The following KCNK2 variants were observed in gnomAD, a reference collection of about 807,000 sequenced individuals.
KCNK2 encodes the protein potassium two pore domain channel subfamily K member 2.
KCNK2 carries 21 observed loss-of-function variants against 40.5 expected under a neutral mutation model. The observed-to-expected ratio is 0.52, with a 90% CI of 0.37 to 0.75. The LOEUF is 0.75. Among genes scored for constraint, KCNK2 ranks in the 30% least tolerant of loss-of-function variants. The pLI is 0.00. For missense variants in KCNK2, 399 were observed against 531.6 expected (o/e 0.75, Z 2.45); for synonymous variants, 191 against 202.2 (o/e 0.94, Z 0.47).
At chr1:215,055,626 A>C (rs76696878) in intron 1 of KCNK2, among the ~76,000 whole-genome samples, 3 of 152,216 alleles carry the variant, frequency 2.0e-5, no homozygotes. Flanking sequence ...CTCCACTTGA[A>C]TAAAGAGAAA....
chr1:215,065,885 A>G (rs561722467), intron 1 of KCNK2, among the ~76,000 whole-genome samples: 3 of 152,160 alleles, frequency 2.0e-5, no homozygotes, highest in Non-Finnish European at 4.4e-5. Context: ...AGTCCCACCT[A>G]CTCAGGAAGC....
intron 5 of KCNK2, among the ~76,000 whole-genome samples, chr1:215,181,715 G>A (rs1003490177): frequency 6.6e-6 from 1 of 152,106 alleles, no homozygotes; most frequent in Non-Finnish European, 1.5e-5. Flanking sequence ...GCCAGTAGAT[G>A]GCACTTATGG....
chr1:215,233,349 ATG>A (rs1666750459), intron 6 of KCNK2, among the ~76,000 whole-genome samples: 1 of 152,058 alleles, frequency 6.6e-6, no homozygotes, highest in Non-Finnish European at 1.5e-5. Context: ...CCCCAAATGT[ATG>A]TGTCTGTATG....
chr1:215,122,248 A>G (rs1168470325), intron 2 of KCNK2, among the ~76,000 whole-genome samples: 1 of 152,140 alleles, frequency 6.6e-6, no homozygotes, highest in Non-Finnish European at 1.5e-5. Flanking sequence ...GATTTCATCT[A>G]TTTCCAAACA....
chr1:215,132,762 T>C (rs1363430292), intron 3 of KCNK2, among the ~76,000 whole-genome samples: 1 of 152,220 alleles, frequency 6.6e-6, no homozygotes, highest in Non-Finnish European at 1.5e-5. Context: ...TAAGTTAAAA[T>C]GTGTTTCTCA....
intron 6 of KCNK2, among the ~76,000 whole-genome samples, chr1:215,209,981 TATATATAATATATAATATATATTATATA>T (rs1665641376): frequency 1.5e-4 from 1 of 6,584 alleles, no homozygotes; most frequent in African/African-American, 2.7e-4. Flanking sequence ...TTATATATAT[TATATATAATATATAATATATATTATATA>T]TAATATATAA....
At chr1:215,220,050 T>G (rs781585992) in intron 6 of KCNK2, among the ~76,000 whole-genome samples, 17 of 152,188 alleles carry the variant, frequency 1.1e-4, no homozygotes, top group Non-Finnish European at 2.1e-4. Context: ...ATATGAGTGT[T>G]TATGGCTAAT....
Position 215,124,754 on chromosome 1 carries a change from G to T in KCNK2, c.475+4G>T, listed in dbSNP as rs747091420. ...GGCACTGTTATTACAACCATAGGTA[G>T]GAGACAACTTATTTTTGTTTTTTGT... On this transcript the variant is annotated splice_donor_region_variant and intron_variant, in intron 3 of 6. Coordinates refer to ENST00000444842, the MANE Select transcript of KCNK2 (RefSeq NM_001017425.3). 6.6e-7 allele frequency: 1 copy of T among 1,524,366 alleles called. No individual in the cohort carries two copies. The highest frequency in any genetic ancestry group is 9.1e-7 in the Non-Finnish European group (1 of 1,099,984). 94.4% of individuals were successfully genotyped at this position (1,524,366 alleles called of 1,614,324 possible). A position where few individuals can be genotyped will look rare whatever the true frequency, so the allele number is the denominator to read the frequency against.
chr1:215,083,076 G>A lies in KCNK2; in HGVS notation c.-310G>A. On this transcript the variant is annotated 5_prime_UTR_variant, in exon 1 of 7. Coordinates refer to ENST00000444842, the MANE Select transcript of KCNK2 (RefSeq NM_001017425.3). The stretch of plus-strand genomic sequence containing the variant: ...TCGCCCGCGCTCTCCGGGTGACCCG[G>A]GCCCGGCAGCAGGCGCGCGCGGGGG... The A allele has an allele frequency of 2.7e-6, 1 of 375,024 alleles. No individual in the cohort carries two copies. Among genetic ancestry groups the A allele is most frequent in the Non-Finnish European group, 4.7e-6 (1 of 211,088 alleles). 23.2% of individuals were successfully genotyped at this position (375,024 alleles called of 1,614,324 possible).
At chr1:215,143,726 A>G (rs1248813822) in intron 3 of KCNK2, among the ~76,000 whole-genome samples, 1 of 152,086 alleles carries the variant, frequency 6.6e-6, no homozygotes, top group Non-Finnish European at 1.5e-5. Flanking sequence ...TGGCCAGGGG[A>G]GCCAGACCTG....
At chr1:215,155,115 T>C (rs553366218) in intron 3 of KCNK2, among the ~76,000 whole-genome samples, 1 of 152,312 alleles carries the variant, frequency 6.6e-6, no homozygotes, top group African/African-American at 2.4e-5. Context: ...TAATATTTAG[T>C]GTATAATGTG....
chr1:215,107,918 T>A (rs1660506170), intron 2 of KCNK2, among the ~76,000 whole-genome samples: 1 of 152,178 alleles, frequency 6.6e-6, no homozygotes, highest in African/African-American at 2.4e-5. Context: ...TTAGGTGTTA[T>A]AAGTCAGCAG....
At chr1:215,175,200 G>T (rs185193164) in intron 5 of KCNK2, among the ~76,000 whole-genome samples, 2 of 152,208 alleles carry the variant, frequency 1.3e-5, no homozygotes, top group East Asian at 3.9e-4. Flanking sequence ...TTTGTCAAAG[G>T]CCTTTTCTGC....
intron 4 of KCNK2, among the ~76,000 whole-genome samples, chr1:215,170,375 A>T (rs773966052): frequency 1.3e-5 from 2 of 152,192 alleles, no homozygotes; most frequent in Non-Finnish European, 2.9e-5. Context: ...GAATACTATG[A>T]TGATAAACTT....
intron 3 of KCNK2, among the ~76,000 whole-genome samples, chr1:215,156,177 G>T (rs888605728): frequency 6.6e-6 from 1 of 152,020 alleles, no homozygotes; most frequent in East Asian, 1.9e-4. Flanking sequence ...TTGCAAATAA[G>T]TATATAATTA....
At chr1:215,093,317 G>T (rs1659772490) in intron 2 of KCNK2, among the ~76,000 whole-genome samples, 1 of 141,112 alleles carries the variant, frequency 7.1e-6, no homozygotes, top group African/African-American at 2.6e-5. Context: ...AAAGAAACAT[G>T]AATATATATA....
At chr1:215,182,590 T>C (rs538396267) in intron 5 of KCNK2, among the ~76,000 whole-genome samples, 3 of 152,188 alleles carry the variant, frequency 2.0e-5, no homozygotes, top group Admixed American at 6.5e-5. Context: ...TTCCCCACCC[T>C]ACCCAGGCCT....
chr1:215,041,973 T>C (rs990950733), intron 1 of KCNK2, among the ~76,000 whole-genome samples: 3 of 152,194 alleles, frequency 2.0e-5, no homozygotes, highest in Admixed American at 1.3e-4. Flanking sequence ...AAGTCACGTC[T>C]TACATGGTGG....
At chr1:215,054,744 G>A (rs6540882) in intron 1 of KCNK2, among the ~76,000 whole-genome samples, 74,761 of 151,990 alleles carry the variant, frequency 0.49, 18,842 homozygotes, top group East Asian at 0.63. Flanking sequence ...CGTGTTTTGA[G>A]TTATAAGGGG....
Sources: allele counts gnomAD v4.1 joint callset (sites outside exome capture counted in the v4.1 genomes callset), GRCh38; gene constraint gnomAD v4.1.1; transcripts MANE v1.5; gene names NCBI Gene and HGNC (gene_info 2026-07-23, HGNC 2026-07-21).